ANKRD45: variants seen among roughly 807,000 people sequenced by gnomAD.
ANKRD45 encodes ankyrin repeat domain-containing protein 45.
In ANKRD45, 21 loss-of-function variants were observed where a neutral mutation model predicts 28.1. The observed-to-expected ratio is 0.75, with a 90% CI of 0.53 to 1.08. ANKRD45 has a LOEUF of 1.08. ANKRD45 is among the 50% of genes least tolerant of loss of function. ANKRD45 has a pLI of 0.00. For missense variants in ANKRD45, 261 were observed against 308.7 expected (o/e 0.85, Z 1.16); for synonymous variants, 86 against 103.9 (o/e 0.83, Z 1.05).
chr1:173,669,012 A>G (rs1670138453), intron 1 of ANKRD45, among the ~76,000 whole-genome samples: 1 of 152,248 alleles, frequency 6.6e-6, no homozygotes, highest in African/African-American at 2.4e-5. Flanking sequence ...TTTTAACTAT[A>G]GAATGTGATT....
intron 5 of ANKRD45, among the ~76,000 whole-genome samples, chr1:173,611,580 C>A (rs761046917): frequency 1.3e-4 from 6 of 47,858 alleles, no homozygotes; most frequent in Admixed American, 2.1e-4. Context: ...CATACATACA[C>A]ACACACACAC....
At chr1:173,624,480 C>A (rs1197741936) in intron 5 of ANKRD45, among the ~76,000 whole-genome samples, 12 of 142,924 alleles carry the variant, frequency 8.4e-5, no homozygotes, top group Admixed American at 8.1e-4. Context: ...GAGGAAGACT[C>A]TGCCTCCGGG....
intron 2 of ANKRD45, 73 bp from the exon 3 acceptor site, chr1:173,647,086 C>A: frequency 1.4e-6 from 2 of 1,417,930 alleles, no homozygotes; most frequent in South Asian, 1.3e-5. Flanking sequence ...AGTGGAAGAT[C>A]ATAATGGTGA....
chr1:173,647,079 G>A, intron 2 of ANKRD45, 66 bp from the exon 3 acceptor site: 3 of 1,459,402 alleles, frequency 2.1e-6, no homozygotes, highest in Non-Finnish European at 2.8e-6. Context: ...TTTATGTAGT[G>A]GAAGATCATA....
At chr1:173,611,541 G>T (rs981257196) in intron 5 of ANKRD45, among the ~76,000 whole-genome samples, 2 of 146,192 alleles carry the variant, frequency 1.4e-5, no homozygotes, top group African/African-American at 5.0e-5. Context: ...ACATGCAAAA[G>T]AATTAAATTG....
chr1:173,654,530 T>G (rs1273247847), intron 2 of ANKRD45, among the ~76,000 whole-genome samples: 1 of 152,184 alleles, frequency 6.6e-6, no homozygotes, highest in East Asian at 1.9e-4. Flanking sequence ...GCACTTAACA[T>G]TTTTTCCTTC....
At chr1:173,653,649 T>C (rs1669347626) in intron 2 of ANKRD45, among the ~76,000 whole-genome samples, 1 of 152,212 alleles carries the variant, frequency 6.6e-6, no homozygotes, top group South Asian at 2.1e-4. Flanking sequence ...GTCCTGGATA[T>C]CCTTGTTAAC....
Position 173,627,112 on chromosome 1 carries a change from C to T in ANKRD45, c.544G>A (p.Val182Ile), listed in dbSNP as rs1667972911. ...CCTGATCCCTTTTCTGTGTCAGTAA[C>T]AGCTAAAGAGACTTTTGCAATATAT... ...KKYIAKVSLA[V>I]TDTEKGSGKL... Residue 182 changes from valine (V) to isoleucine (I), a missense_variant, in exon 4 of 6, where the codon GTT (valine) becomes ATT (isoleucine). Physicochemically the swap from Val to Ile is conservative, Grantham distance 29. Coordinates refer to ENST00000333279, the MANE Select transcript of ANKRD45 (RefSeq NM_198493.3). The T allele has an allele frequency of 6.2e-7, 1 of 1,613,158 alleles. No homozygotes were observed. Among genetic ancestry groups the T allele is most frequent in the South Asian group, 1.1e-5 (1 of 91,026 alleles).
intron 3 of ANKRD45, among the ~76,000 whole-genome samples, chr1:173,629,987 T>C (rs990913860): frequency 6.6e-6 from 1 of 152,122 alleles, no homozygotes; most frequent in African/African-American, 2.4e-5. Flanking sequence ...AGAAACCATA[T>C]AGGCCAGGAG....
chr1:173,673,135 G>C (rs1188502053), upstream of ANKRD45, among the ~76,000 whole-genome samples: 2 of 148,204 alleles, frequency 1.3e-5, no homozygotes, highest in African/African-American at 5.0e-5. Flanking sequence ...TTTTGAGATG[G>C]AGTCTTCTTC....
rs1005886453 is a variant in ANKRD45 at position 173,609,261 on chromosome 1, C to T, written c.*884G>A. 5.3e-5 allele frequency among the ~76,000 whole-genome samples: 8 copies of T among 152,162 alleles called. No individual in the cohort carries two copies. Among genetic ancestry groups the T allele is most frequent in the African/African-American group, 1.9e-4 (8 of 41,438 alleles). ...TGAATTACCCATTCCTTTTCCTTCT[C>T]CCCATAAGGGAAAACTAGCTTTCAG... On this transcript the variant is annotated 3_prime_UTR_variant, in exon 6 of 6. Coordinates refer to ENST00000333279, the MANE Select transcript of ANKRD45 (RefSeq NM_198493.3).
At chr1:173,645,011 T>C (rs956203015) in intron 3 of ANKRD45, among the ~76,000 whole-genome samples, 12 of 151,078 alleles carry the variant, frequency 7.9e-5, no homozygotes, top group Non-Finnish European at 1.6e-4. Context: ...AAAAAAAAAA[T>C]TATGGAATGT....
intron 3 of ANKRD45, among the ~76,000 whole-genome samples, chr1:173,645,250 T>C (rs1223899647): frequency 6.6e-6 from 1 of 152,222 alleles, no homozygotes; most frequent in African/African-American, 2.4e-5. Flanking sequence ...TTTCTATCAA[T>C]TATTCTAGTC....
At chr1:173,669,594 G>A in intron 1 of ANKRD45, 1 of 428,528 alleles carries the variant, frequency 2.3e-6, no homozygotes, top group Non-Finnish European at 4.7e-6. Flanking sequence ...TTTGCTCTTC[G>A]GCCTGAATTC....
the ANKRD45 span, chr1:173,714,951 G>A: frequency 6.6e-6 from 1 of 152,512 alleles, no homozygotes; most frequent in South Asian, 2.1e-4. Context: ...ATGGGCCGGT[G>A]AAGGGAAAGG....
At chr1:173,628,072 G>C (rs545950494) in intron 3 of ANKRD45, among the ~76,000 whole-genome samples, 1 of 151,696 alleles carries the variant, frequency 6.6e-6, no homozygotes, top group East Asian at 2.0e-4. Context: ...GGCCTGGCAG[G>C]ATTCATCACC....
At chr1:173,625,732 T>C (rs1170582542) in intron 4 of ANKRD45, among the ~76,000 whole-genome samples, 1 of 152,078 alleles carries the variant, frequency 6.6e-6, no homozygotes, top group Non-Finnish European at 1.5e-5. Context: ...AAGTGTGATC[T>C]CATTTTTATA....
At chr1:173,628,099 C>T (rs1165506179) in intron 3 of ANKRD45, among the ~76,000 whole-genome samples, 2 of 151,714 alleles carry the variant, frequency 1.3e-5, no homozygotes, top group Non-Finnish European at 2.9e-5. Flanking sequence ...CTAAAGAGCC[C>T]TTGGGTCCTG....
chr1:173,618,732 G>C (rs535384874), intron 5 of ANKRD45, among the ~76,000 whole-genome samples: 2 of 152,292 alleles, frequency 1.3e-5, no homozygotes, highest in South Asian at 4.1e-4. Context: ...TTATCCAGGA[G>C]AATTTCCCCA....
Sources: allele counts gnomAD v4.1 joint callset (sites outside exome capture counted in the v4.1 genomes callset), GRCh38; gene constraint gnomAD v4.1.1; transcripts MANE v1.5; gene names NCBI Gene and HGNC (gene_info 2026-07-23, HGNC 2026-07-21).